OSBPL10: variants seen among roughly 807,000 people sequenced by gnomAD.
The protein encoded by OSBPL10 is oxysterol-binding protein-related protein 10.
A neutral mutation model predicts 81.7 loss-of-function variants in OSBPL10; 49 were observed. That is an observed-to-expected ratio of 0.60 (90% CI 0.48 to 0.76). The LOEUF (loss-of-function observed/expected upper bound fraction) is 0.76. Among genes scored for constraint, OSBPL10 ranks in the 30% least tolerant of loss-of-function variants. The pLI is 0.00. For synonymous variants in OSBPL10, 419 were observed against 383.6 expected (o/e 1.09, Z -1.08); for missense variants, 923 against 987.8 (o/e 0.93, Z 0.88).
chr3:32,017,691 T>G (rs1348695729), intron 2 of OSBPL10, among the ~76,000 whole-genome samples: 2 of 152,186 alleles, frequency 1.3e-5, no homozygotes, highest in Non-Finnish European at 2.9e-5. Context: ...GTGTTACCAA[T>G]GAACTATGTG....
chr3:31,918,432 G>A (rs974932972), intron 1 of OSBPL10, among the ~76,000 whole-genome samples: 6 of 151,748 alleles, frequency 4.0e-5, no homozygotes, highest in African/African-American at 7.3e-5. Flanking sequence ...GGGCTCAAAC[G>A]ATCCTCCTGC....
chr3:31,992,073 G>A (rs1451595860), intron 2 of OSBPL10, among the ~76,000 whole-genome samples: 1 of 150,808 alleles, frequency 6.6e-6, no homozygotes, highest in Admixed American at 6.6e-5. Flanking sequence ...TTGAACCTGG[G>A]AGGCAGAGGT....
At chr3:31,989,993 A>C (rs1390975137) in intron 2 of OSBPL10, 1 of 1,614,188 alleles carries the variant, frequency 6.2e-7, no homozygotes, top group South Asian at 1.1e-5. Context: ...GCAAGTCATC[A>C]TAGACTTCAT....
At chr3:31,878,851 A>ATGTG (rs1559502522) in intron 2 of OSBPL10, among the ~76,000 whole-genome samples, 3 of 115,778 alleles carry the variant, frequency 2.6e-5, no homozygotes, top group African/African-American at 8.7e-5. Context: ...GTGTGTGTGC[A>ATGTG]TGCACTTGTG....
At chr3:32,008,177 A>ATT (rs58417694) in intron 2 of OSBPL10, among the ~76,000 whole-genome samples, 1,554 of 142,434 alleles carry the variant, frequency 0.011, 21 homozygotes, top group African/African-American at 0.028. Flanking sequence ...TGTTTTTATC[A>ATT]TTTTTTTTTT....
intron 1 of OSBPL10, among the ~76,000 whole-genome samples, chr3:31,965,522 CTATTATATTATATAAATTATATATTATA>C (rs1282418012): frequency 1.0e-4 from 3 of 29,938 alleles, no homozygotes; most frequent in African/African-American, 3.9e-4. Context: ...AATATATAAA[CTATTATATTATATAAATTATATATTATA>C]TATTATATAA....
At chr3:31,856,016 AATAT>A (rs1001928586) in intron 3 of OSBPL10, among the ~76,000 whole-genome samples, 4 of 150,746 alleles carry the variant, frequency 2.7e-5, no homozygotes, top group East Asian at 3.9e-4. Flanking sequence ...TTTTCCTAAA[AATAT>A]ATATATTTAT....
intron 3 of OSBPL10, among the ~76,000 whole-genome samples, chr3:31,854,300 C>A (rs1242674474): frequency 6.6e-6 from 1 of 152,106 alleles, no homozygotes; most frequent in Non-Finnish European, 1.5e-5. Flanking sequence ...ATACACTGTG[C>A]GCCTCACTCT....
At chr3:31,668,544 T>C in intron 10 of OSBPL10, 98 bp downstream of exon 10, 1 of 1,164,938 alleles carries the variant, frequency 8.6e-7, no homozygotes, top group Non-Finnish European at 1.2e-6. Flanking sequence ...CTGGCCTGTT[T>C]CCAGTCGCTA....
intron 4 of OSBPL10, among the ~76,000 whole-genome samples, chr3:31,793,957 T>C (rs1327103581): frequency 6.6e-6 from 1 of 152,220 alleles, no homozygotes; most frequent in Non-Finnish European, 1.5e-5. Context: ...AGAAGTAATC[T>C]AGAGATGAGA....
At chr3:31,674,433 A>G (rs1191002271) in intron 8 of OSBPL10, among the ~76,000 whole-genome samples, 1 of 152,074 alleles carries the variant, frequency 6.6e-6, no homozygotes, top group African/African-American at 2.4e-5. Context: ...GGTGGTGAGC[A>G]CCTGTAGTCC....
rs571437601 is a variant in OSBPL10, at chr3:31,725,071, C to T, written c.1095+8186G>A. Among the ~76,000 whole-genome samples, 3 of 152,306 alleles carry T rather than the reference C, an allele frequency of 2.0e-5. No individual in the cohort carries two copies. The East Asian group carries it at 5.8e-4, about 29-fold the overall frequency. On this transcript the variant is annotated intron_variant, in intron 6 of 11. Coordinates refer to ENST00000396556, the MANE Select transcript of OSBPL10 (RefSeq NM_017784.5). ...GAGACATTTCTCTTGCTTCTAATCT[C>T]ATGAATACAGAATAATTATAACTAT...
intron 7 of OSBPL10, among the ~76,000 whole-genome samples, chr3:31,701,342 A>T (rs1029067481): frequency 6.6e-6 from 1 of 152,270 alleles, no homozygotes. Flanking sequence ...TGGCCTTCAG[A>T]ATCTAGAACT....
intron 4 of OSBPL10, among the ~76,000 whole-genome samples, chr3:31,800,856 C>T (rs1053433874): frequency 9.9e-5 from 15 of 152,170 alleles, no homozygotes; most frequent in African/African-American, 2.9e-4. Flanking sequence ...GTTTTTCATG[C>T]CTTTTGGCTT....
chr3:31,722,608 A>G (rs1203523451), intron 6 of OSBPL10, among the ~76,000 whole-genome samples: 1 of 152,142 alleles, frequency 6.6e-6, no homozygotes, highest in Non-Finnish European at 1.5e-5. Flanking sequence ...TCAATCTACT[A>G]TAAGAAAAGT....
In OSBPL10 at chr3:31,981,130, C is replaced by G. The variant is rs766440389; in HGVS notation, c.50G>C (p.Ser17Thr). 44 of 1,491,766 alleles carry G rather than the reference C, an allele frequency of 2.9e-5. No individual in the cohort carries two copies. Among genetic ancestry groups the G allele is most frequent in the Non-Finnish European group, 3.7e-5 (42 of 1,125,728 alleles). 92.4% of individuals were successfully genotyped at this position (1,491,766 alleles called of 1,614,324 possible). The change falls in exon 1 of 12, where the codon AGC becomes ACC. Residue 17 changes from serine to threonine, a missense_variant. Transcript: ENST00000396556. This position sits in a 1 kb window ranked among gnomAD's most constrained non-coding sequence, Gnocchi z 4.5. ...GGTAGCACGGCTGCTGCTGCGGCTG[C>G]TGCTGTTGCTACCCCCGCCGCCGTC... ...GTDGGGGSNS[S>T]SRSSSRATSA...
chr3:32,046,422 T>A (rs1699622426), intron 2 of OSBPL10: 1 of 152,180 alleles, frequency 6.6e-6, no homozygotes, highest in Non-Finnish European at 1.5e-5. Flanking sequence ...CTTTGTCAAA[T>A]CAAAAAGAAA....
chr3:31,803,361 C>T (rs1010218346), intron 4 of OSBPL10, among the ~76,000 whole-genome samples: 18 of 152,198 alleles, frequency 1.2e-4, no homozygotes, highest in East Asian at 1.9e-4. Context: ...CGTGACAGAA[C>T]AAAAGAGCAC....
At chr3:31,878,080 A>G (rs1395979307) in intron 2 of OSBPL10, among the ~76,000 whole-genome samples, 1 of 152,168 alleles carries the variant, frequency 6.6e-6, no homozygotes, top group Admixed American at 6.5e-5. Flanking sequence ...TTTTTTTTAT[A>G]GTTACGCTTT....
Sources: allele counts gnomAD v4.1 joint callset (sites outside exome capture counted in the v4.1 genomes callset), GRCh38; gene constraint gnomAD v4.1.1; non-coding constraint Gnocchi (gnomAD v3.1); transcripts MANE v1.5; gene names NCBI Gene and HGNC (gene_info 2026-07-23, HGNC 2026-07-21).